The following CCDC148 variants were observed in gnomAD, a reference collection of about 807,000 sequenced individuals.
CCDC148 encodes coiled-coil domain containing 148.
In CCDC148, 89 loss-of-function variants were observed where a neutral mutation model predicts 85.7. That is an observed-to-expected ratio of 1.04 (90% CI 0.87 to 1.24). CCDC148 has a LOEUF of 1.24. CCDC148 is among the 50% of genes most tolerant of loss of function. The pLI, the probability that CCDC148 is intolerant of heterozygous loss-of-function variation, is 0.00. For missense variants in CCDC148, 692 were observed against 671.7 expected (o/e 1.03, Z -0.33); for synonymous variants, 230 against 213.9 (o/e 1.08, Z -0.66).
intron 10 of CCDC148, among the ~76,000 whole-genome samples, chr2:158,241,331 T>C (rs1005415127): frequency 2.6e-5 from 4 of 152,214 alleles, no homozygotes; most frequent in African/African-American, 9.6e-5. Flanking sequence ...TTAGTTTTTC[T>C]CTATTAACTC....
intron 9 of CCDC148, among the ~76,000 whole-genome samples, chr2:158,293,994 C>T (rs55965916): frequency 1.5e-5 from 1 of 66,718 alleles, no homozygotes; most frequent in African/African-American, 5.6e-5. Flanking sequence ...CCCTCCCTCC[C>T]TCCCTCCCTC....
chr2:158,205,375 T>A (rs1475235781), intron 11 of CCDC148, among the ~76,000 whole-genome samples: 3 of 152,132 alleles, frequency 2.0e-5, no homozygotes, highest in Non-Finnish European at 4.4e-5. Context: ...AATATCTCTA[T>A]CTGAGGCATG....
intron 1 of CCDC148, among the ~76,000 whole-genome samples, chr2:158,362,551 C>T (rs945421322): frequency 1.3e-5 from 2 of 152,168 alleles, no homozygotes; most frequent in East Asian, 1.9e-4. Flanking sequence ...AACTGAACAA[C>T]CTGCTCCTGA....
At chr2:158,173,373 C>T (rs900976657) in intron 13 of CCDC148, among the ~76,000 whole-genome samples, 2 of 151,838 alleles carry the variant, frequency 1.3e-5, no homozygotes, top group African/African-American at 2.4e-5. Context: ...ATGGCCATGC[C>T]GAGTCTAAGG....
chr2:158,348,237 G>A (rs1446769770), intron 2 of CCDC148, among the ~76,000 whole-genome samples: 1 of 152,036 alleles, frequency 6.6e-6, no homozygotes, highest in Non-Finnish European at 1.5e-5. Context: ...ATCAGTAAGT[G>A]TTCTTGACAA....
chr2:158,244,074 C>T (rs73966299), intron 10 of CCDC148, among the ~76,000 whole-genome samples: 7,225 of 152,140 alleles, frequency 0.047, 583 homozygotes, highest in African/African-American at 0.16. Context: ...TCACCAGTCA[C>T]GTTGTTAACA....
chr2:158,180,461 C>T (rs1169230893), intron 11 of CCDC148, among the ~76,000 whole-genome samples: 1 of 152,096 alleles, frequency 6.6e-6, no homozygotes, highest in Admixed American at 6.5e-5. Context: ...GTGGGAGGGG[C>T]TGGCTAAACT....
chr2:158,449,479 G>A (rs911681574), intron 1 of CCDC148, among the ~76,000 whole-genome samples: 7 of 148,354 alleles, frequency 4.7e-5, no homozygotes, highest in African/African-American at 7.5e-5. Context: ...AGACAGTCTC[G>A]CTCTGTCGCC....
intron 11 of CCDC148, among the ~76,000 whole-genome samples, chr2:158,218,332 T>C (rs1453470210): frequency 2.6e-5 from 4 of 152,206 alleles, no homozygotes; most frequent in Non-Finnish European, 5.9e-5. Context: ...TCATATACAA[T>C]TCAAAGAAGA....
At chr2:158,216,115 TTGC>T (rs1215754757) in intron 11 of CCDC148, among the ~76,000 whole-genome samples, 2 of 152,136 alleles carry the variant, frequency 1.3e-5, no homozygotes, top group Non-Finnish European at 2.9e-5. Context: ...GTGATTTTTG[TTGC>T]TGTTCTTAAA....
chr2:158,438,397 G>C (rs960224160), intron 1 of CCDC148, among the ~76,000 whole-genome samples: 1 of 152,218 alleles, frequency 6.6e-6, no homozygotes, highest in African/African-American at 2.4e-5. Context: ...TTTAATAAAT[G>C]GTGCTGCAAA....
rs1382383371 is a variant in CCDC148, at chr2:158,176,652, C to A, written c.1498G>T (p.Val500Phe). The change falls in exon 13 of 14, where the codon GTT becomes TTT. Residue 500 changes from valine to phenylalanine, a missense_variant. Val to Phe is a conservative substitution (Grantham distance 50). Transcript: ENST00000283233. ...ATTCTAACAGGATCAAATTGAGCAACAACAGCAACCTAAAAATGAGAAAGC... is the reference window on the plus strand; with the variant it reads ...ATTCTAACAGGATCAAATTGAGCAAAAACAGCAACCTAAAAATGAGAAAGC... ...LEALRKQVAV[V>F]AQFDPVRMMS... 1.2e-6 allele frequency: 2 copies of A among 1,611,676 alleles called. No individual in the cohort carries two copies. The highest frequency in any genetic ancestry group is 3.3e-5 in the Admixed American group (2 of 59,822).
chr2:158,241,620 A>C (rs1403909848), intron 10 of CCDC148, among the ~76,000 whole-genome samples: 4 of 152,096 alleles, frequency 2.6e-5, no homozygotes. Flanking sequence ...TTTTGTTTGG[A>C]CCCTTAATGC....
In CCDC148 at chr2:158,186,169, T is replaced by G. The variant is rs186745183; in HGVS notation, c.1371-7173A>C. On this transcript the variant is annotated intron_variant, in intron 11 of 13. Transcript: ENST00000283233. The stretch of plus-strand genomic sequence containing the variant: ...GGATGATACCATCCTGTCTGTTCTA[T>G]GGTTCTTGGAATTAACTACTGACTG... 4.1e-3 allele frequency among the ~76,000 whole-genome samples: 629 copies of G among 152,232 alleles called. 9 individuals are homozygous for G. Among genetic ancestry groups the G allele is most frequent in the South Asian group, 0.026 (125 of 4,822 alleles).
At chr2:158,256,082 A>C (rs1480759656) in intron 9 of CCDC148, among the ~76,000 whole-genome samples, 1 of 151,894 alleles carries the variant, frequency 6.6e-6, no homozygotes, top group Admixed American at 6.6e-5. Context: ...AGTAATAGAA[A>C]AACAAAAATG....
intron 9 of CCDC148, among the ~76,000 whole-genome samples, chr2:158,276,756 C>G (rs765781972): frequency 6.6e-6 from 1 of 152,148 alleles, no homozygotes; most frequent in East Asian, 1.9e-4. Flanking sequence ...GCATTTGATA[C>G]GGTCCTTTAT....
intron 7 of CCDC148, among the ~76,000 whole-genome samples, chr2:158,322,132 T>G (rs1325734684): frequency 6.6e-6 from 1 of 152,170 alleles, no homozygotes; most frequent in East Asian, 1.9e-4. Flanking sequence ...GCCCTTTGAC[T>G]CAGCAGTTCT....
At chr2:158,278,118 A>C (rs1340906215) in intron 9 of CCDC148, among the ~76,000 whole-genome samples, 1 of 152,176 alleles carries the variant, frequency 6.6e-6, no homozygotes. Context: ...TTAAAACATA[A>C]ATTTATTTGA....
chr2:158,181,056 A>G (rs1684877727), intron 11 of CCDC148, among the ~76,000 whole-genome samples: 1 of 152,126 alleles, frequency 6.6e-6, no homozygotes, highest in African/African-American at 2.4e-5. Context: ...GTTCTACTCA[A>G]TTTAAGCACT....
Sources: allele counts gnomAD v4.1 joint callset (sites outside exome capture counted in the v4.1 genomes callset), GRCh38; gene constraint gnomAD v4.1.1; transcripts MANE v1.5; gene names NCBI Gene and HGNC (gene_info 2026-07-23, HGNC 2026-07-21).